The following CEP63 variants were observed in gnomAD, a reference collection of about 807,000 sequenced individuals.
The protein encoded by CEP63 is centrosomal protein of 63 kDa.
In CEP63, 84 loss-of-function variants were observed where a neutral mutation model predicts 89.1. The ratio of observed to expected loss-of-function variants is 0.94; its 90% CI spans 0.79 to 1.13. The LOEUF is 1.13. CEP63 is among the 50% of genes most tolerant of loss of function. The pLI is 0.00. For missense variants in CEP63, 838 were observed against 813.3 expected (o/e 1.03, Z -0.37); for synonymous variants, 267 against 272.5 (o/e 0.98, Z 0.20).
chr3:134,780,282 A>C, the CEP63 span, among the ~76,000 whole-genome samples: 1 of 152,214 alleles, frequency 6.6e-6, no homozygotes, highest in East Asian at 1.9e-4. Context: ...ATATAATATA[A>C]AATTTTCATT....
At chr3:134,552,611 CACTT>C (rs1955172416) in intron 12 of CEP63, 1 of 152,050 alleles carries the variant, frequency 6.6e-6, no homozygotes, top group African/African-American at 2.4e-5. Context: ...TAGTACCTGA[CACTT>C]AGTAAGTATG....
intron 11 of CEP63, among the ~76,000 whole-genome samples, chr3:134,573,127 GTTGT>G (rs2110292312): frequency 6.6e-6 from 1 of 152,158 alleles, no homozygotes; most frequent in South Asian, 2.1e-4. Context: ...TGCTTGTTGA[GTTGT>G]TTAAGTTCCT....
rs762997019 is a variant in CEP63, at chr3:134,559,122, T to C, written c.1674-28T>C. On this transcript the variant is annotated intron_variant, in intron 13 of 14. Coordinates refer to ENST00000675561, the MANE Select transcript of CEP63 (RefSeq NM_001353108.3). ...GAGAAAAGTTGCTACAATTTTTTAT[T>C]TGTTTTGTTTTCTAATCTACCATCC... The C allele has an allele frequency of 2.5e-6, 4 of 1,611,014 alleles. No homozygotes were observed. In the South Asian group the frequency reaches 4.4e-5, roughly 18 times the overall value.
chr3:134,516,269 C>G (rs909676486), intron 3 of CEP63, among the ~76,000 whole-genome samples: 15 of 152,216 alleles, frequency 9.9e-5, no homozygotes, highest in Non-Finnish European at 1.5e-5. Flanking sequence ...ATAAACATCT[C>G]AGTGCCTTAA....
the CEP63 span, among the ~76,000 whole-genome samples, chr3:134,598,689 G>A: frequency 6.6e-6 from 1 of 152,204 alleles, no homozygotes; most frequent in East Asian, 1.9e-4. Context: ...AAGGGACTGG[G>A]TTTCATCACC....
chr3:134,666,695 C>G, the CEP63 span, among the ~76,000 whole-genome samples: 1 of 152,208 alleles, frequency 6.6e-6, no homozygotes, highest in Non-Finnish European at 1.5e-5. Context: ...CCCAGCCACT[C>G]TGCACTGTTG....
At position 134,561,407 on chromosome 3, in the gene CEP63, A is replaced by C. The variant is rs771264321; in HGVS notation, c.1984A>C (p.Ile662Leu). The C allele has an allele frequency of 2.7e-5, 44 of 1,613,924 alleles. No individual in the cohort carries two copies. The highest frequency in any genetic ancestry group is 3.6e-5 in the Non-Finnish European group (42 of 1,179,950). The change falls in exon 15 of 15, where the codon ATA (isoleucine) becomes CTA (leucine). Residue 662 changes from isoleucine to leucine, a missense_variant. By Grantham distance (5) the Ile-to-Leu change is conservative (BLOSUM62 2). Transcript: ENST00000675561. ...CSLPVSPLGS[I>L]ATRFLEEEEL... The stretch of plus-strand genomic sequence containing the variant: ...CTTGCCTGTATCTCCCCTTGGTTCA[A>C]TAGCTACCAGATTTTTGGAAGAGGA...
In CEP63 at chr3:134,546,247, A is replaced by G; in HGVS notation, c.888A>G (p.Lys296=). ...TACAAAAGGAGAAGTTACAAGAAAA[A>G]GTAAAGGCAACTAACACTCAACATG... ...ARIQKEKLQE[K]VKATNTQHAV... is the part of the protein sequence containing the mutation. Residue 296 remains lysine (K), a synonymous_variant, in exon 8 of 15, where the codon AAA becomes AAG. Transcript: ENST00000675561. The G allele has an allele frequency of 6.2e-7, 1 of 1,613,868 alleles. No homozygotes were observed. The highest frequency in any genetic ancestry group is 1.1e-5 in the South Asian group (1 of 91,070).
At chr3:134,571,420 G>A (rs1201477293) in intron 11 of CEP63, among the ~76,000 whole-genome samples, 1 of 152,206 alleles carries the variant, frequency 6.6e-6, no homozygotes, top group African/African-American at 2.4e-5. Flanking sequence ...GGTGGCTCAC[G>A]CCTGTAATCC....
chr3:134,635,494 A>T, the CEP63 span, among the ~76,000 whole-genome samples: 2 of 2,390 alleles, frequency 8.4e-4, no homozygotes, highest in Admixed American at 5.6e-3. Context: ...GAGACTCTGT[A>T]AAAAAAAAAA....
At chr3:134,608,416 G>A in the CEP63 span, 1 of 1,490,098 alleles carries the variant, frequency 6.7e-7, no homozygotes, top group Non-Finnish European at 8.9e-7. Flanking sequence ...ATGCTAGTGT[G>A]AGTGAGCTTT....
At chr3:134,544,641 G>GGT (rs1553774749) in intron 6 of CEP63, among the ~76,000 whole-genome samples, 1 of 149,610 alleles carries the variant, frequency 6.7e-6, no homozygotes, top group Admixed American at 6.7e-5. Flanking sequence ...CTAGGTGGGG[G>GGT]GGGGAATTTA....
At chr3:134,693,105 A>G in the CEP63 span, among the ~76,000 whole-genome samples, 1 of 152,190 alleles carries the variant, frequency 6.6e-6, no homozygotes, top group Non-Finnish European at 1.5e-5. Flanking sequence ...TCAGGAAAAG[A>G]AAGGTGTTTC....
intron 1 of CEP63, among the ~76,000 whole-genome samples, chr3:134,493,259 G>A (rs1391278234): frequency 6.6e-6 from 1 of 151,910 alleles, no homozygotes; most frequent in Non-Finnish European, 1.5e-5. Flanking sequence ...AAACCTTAGA[G>A]AATATTGTTC....
exon 12 of CEP63, chr3:134,574,961 A>G (rs959065156): frequency 2.2e-6 from 1 of 457,766 alleles, no homozygotes; most frequent in South Asian, 4.4e-5. Flanking sequence ...TAGAGTCTTT[A>G]TATACAATCT....
rs369155746 is a variant in CEP63 at position 134,525,495 on chromosome 3, C to T, written c.223-6350C>T. On this transcript the variant is annotated intron_variant, in intron 3 of 14. Coordinates refer to ENST00000675561, the MANE Select transcript of CEP63 (RefSeq NM_001353108.3). ...CTTTATCCAGCTTGCCATTCTGTGC[C>T]TTTTAATTGGGGCATTTAGCTCATT... Among the ~76,000 whole-genome samples the T allele has an allele frequency of 1.7e-4, 26 of 152,222 alleles. No homozygotes were observed. The East Asian group carries it at 5.0e-3, about 29-fold the overall frequency.
intron 2 of CEP63, among the ~76,000 whole-genome samples, chr3:134,506,602 A>C (rs1208404895): frequency 6.6e-6 from 1 of 152,144 alleles, no homozygotes; most frequent in Admixed American, 6.5e-5. Flanking sequence ...GGAATAAGTA[A>C]TCATCTTAAT....
chr3:134,740,874 G>T, the CEP63 span, among the ~76,000 whole-genome samples: 1 of 152,186 alleles, frequency 6.6e-6, no homozygotes, highest in Non-Finnish European at 1.5e-5. Flanking sequence ...AGCAATGGAG[G>T]TGTGTACACG....
chr3:134,722,552 C>A, the CEP63 span, among the ~76,000 whole-genome samples: 21 of 151,968 alleles, frequency 1.4e-4, no homozygotes, highest in Non-Finnish European at 2.9e-4. Context: ...TTCTTTCATT[C>A]ATTTCCATTC....
Sources: allele counts gnomAD v4.1 joint callset (sites outside exome capture counted in the v4.1 genomes callset), GRCh38; gene constraint gnomAD v4.1.1; transcripts MANE v1.5; gene names NCBI Gene and HGNC (gene_info 2026-07-23, HGNC 2026-07-21).